PTPRD: variants seen among roughly 807,000 people sequenced by gnomAD.
PTPRD encodes the protein receptor-type tyrosine-protein phosphatase delta.
Under a neutral mutation model 214.5 loss-of-function variants are expected in PTPRD, and 34 were observed. The observed-to-expected ratio is 0.16, with a 90% CI of 0.12 to 0.21. The LOEUF is 0.21. Ranked by LOEUF, PTPRD falls within the 10% of genes least tolerant of loss-of-function variation. PTPRD has a pLI of 1.00. For missense variants in PTPRD, 2,545 were observed against 2,398.7 expected, an observed-to-expected ratio of 1.06 and a Z score of -1.27; for synonymous variants, 1,128 against 845.7, an observed-to-expected ratio of 1.33 and a Z score of -5.79.
At chr9:9,325,953 T>C (rs1289712415) in intron 9 of PTPRD, among the ~76,000 whole-genome samples, 1 of 152,184 alleles carries the variant, frequency 6.6e-6, no homozygotes, top group Non-Finnish European at 1.5e-5. Flanking sequence ...GAGATAATCA[T>C]GTGTTTTTTG....
chr9:9,604,965 T>TA (rs1435991312), intron 7 of PTPRD, among the ~76,000 whole-genome samples: 2 of 152,060 alleles, frequency 1.3e-5, no homozygotes, highest in Non-Finnish European at 2.9e-5. Flanking sequence ...ATTATTTGTG[T>TA]AAAATCTAAT....
At chr9:8,356,184 C>T (rs1279770319) in intron 39 of PTPRD, among the ~76,000 whole-genome samples, 1 of 152,114 alleles carries the variant, frequency 6.6e-6, no homozygotes, top group Non-Finnish European at 1.5e-5. Flanking sequence ...TAATAAAACT[C>T]AGATGCCCAA....
intron 10 of PTPRD, among the ~76,000 whole-genome samples, chr9:9,088,424 A>G (rs911521471): frequency 6.6e-6 from 1 of 151,158 alleles, no homozygotes; most frequent in African/African-American, 2.4e-5. Flanking sequence ...TACAAAAAAT[A>G]TAAAAATTAG....
chr9:10,561,890 C>G (rs114054290), intron 2 of PTPRD, among the ~76,000 whole-genome samples: 1 of 152,080 alleles, frequency 6.6e-6, no homozygotes, highest in Admixed American at 6.6e-5. Context: ...ATAAAATCCT[C>G]TGGCTTATAA....
intron 7 of PTPRD, among the ~76,000 whole-genome samples, chr9:9,612,234 T>C (rs2094551231): frequency 6.6e-6 from 1 of 152,106 alleles, no homozygotes; most frequent in South Asian, 2.1e-4. Flanking sequence ...AAAACAGTAC[T>C]GAAGCTTCTG....
chr9:8,756,759 A>G (rs2094016749), intron 11 of PTPRD, among the ~76,000 whole-genome samples: 2 of 152,152 alleles, frequency 1.3e-5, no homozygotes, highest in South Asian at 4.1e-4. Flanking sequence ...AAATATTAAT[A>G]GGGAAAAAAT....
intron 10 of PTPRD, among the ~76,000 whole-genome samples, chr9:9,065,212 G>A (rs1240428269): frequency 6.6e-6 from 1 of 152,140 alleles, no homozygotes; most frequent in Non-Finnish European, 1.5e-5. Flanking sequence ...TAGTGCTATG[G>A]AAACAAATAA....
At chr9:8,490,602 C>T (rs1398213937) in intron 27 of PTPRD, among the ~76,000 whole-genome samples, 2 of 152,060 alleles carry the variant, frequency 1.3e-5, no homozygotes, top group Admixed American at 6.6e-5. Flanking sequence ...TGCCTTTAAC[C>T]TCAAGAACTC....
chr9:8,397,782 C>G (rs971891837), intron 36 of PTPRD, among the ~76,000 whole-genome samples: 1 of 152,084 alleles, frequency 6.6e-6, no homozygotes, highest in African/African-American at 2.4e-5. Context: ...GGTGGTGATT[C>G]CATGTGAGCA....
chr9:10,607,995 T>C (rs550462312), intron 2 of PTPRD, among the ~76,000 whole-genome samples: 136 of 152,166 alleles, frequency 8.9e-4, no homozygotes, highest in African/African-American at 3.2e-3. Context: ...AACCTCTCTG[T>C]GAAACTGGGA....
chr9:9,996,300 G>C (rs773344490), intron 4 of PTPRD, among the ~76,000 whole-genome samples: 2 of 152,244 alleles, frequency 1.3e-5, no homozygotes, highest in Admixed American at 6.5e-5. Context: ...TGATTCAAAA[G>C]CCTCTCAGAA....
intron 2 of PTPRD, among the ~76,000 whole-genome samples, chr9:10,576,271 G>C (rs1042668104): frequency 1.3e-5 from 2 of 152,120 alleles, no homozygotes; most frequent in African/African-American, 4.8e-5. Flanking sequence ...TTGAGGAAAA[G>C]GATGCAAATG....
intron 2 of PTPRD, among the ~76,000 whole-genome samples, chr9:10,477,298 C>A (rs1287883797): frequency 1.3e-5 from 2 of 151,956 alleles, no homozygotes; most frequent in African/African-American, 4.8e-5. Flanking sequence ...AAAAAATAAA[C>A]AACCCCATCA....
chr9:8,929,780 G>GTATATGTGTGTATATATATGT (rs1272978143), intron 11 of PTPRD, among the ~76,000 whole-genome samples: 5 of 82,420 alleles, frequency 6.1e-5, no homozygotes, highest in Non-Finnish European at 8.8e-5. Context: ...TATATATATG[G>GTATATGTGTGTATATATATGT]GTGTGTATAT....
At chr9:9,011,873 G>A (rs2099513236) in intron 11 of PTPRD, among the ~76,000 whole-genome samples, 1 of 152,086 alleles carries the variant, frequency 6.6e-6, no homozygotes, top group Non-Finnish European at 1.5e-5. Context: ...TCTTTCTCCT[G>A]GTGTCCAGAT....
intron 3 of PTPRD, among the ~76,000 whole-genome samples, chr9:10,244,261 C>T (rs2091683193): frequency 1.3e-5 from 2 of 152,050 alleles, no homozygotes; most frequent in Non-Finnish European, 2.9e-5. Flanking sequence ...CTTCATTGTG[C>T]TCTAATATTT....
chr9:8,908,561 C>CA (rs1325689271), intron 11 of PTPRD, among the ~76,000 whole-genome samples: 23 of 151,958 alleles, frequency 1.5e-4, no homozygotes, highest in African/African-American at 4.8e-4. Context: ...AATAACAACA[C>CA]AACATACAAA....
chr9:8,556,591 C>T (rs2083846800), intron 14 of PTPRD, among the ~76,000 whole-genome samples: 1 of 145,690 alleles, frequency 6.9e-6, no homozygotes, highest in South Asian at 2.1e-4. Flanking sequence ...AATAAATATG[C>T]ATTTAATTAA....
intron 9 of PTPRD, among the ~76,000 whole-genome samples, chr9:9,224,081 T>C (rs76602464): frequency 0.043 from 6,576 of 152,036 alleles, 201 homozygotes; most frequent in Non-Finnish European, 0.067. Context: ...TAAAGACTAC[T>C]CAAAGATTAA....
Sources: allele counts gnomAD v4.1 joint callset (sites outside exome capture counted in the v4.1 genomes callset), GRCh38; gene constraint gnomAD v4.1.1; transcripts MANE v1.5; gene names NCBI Gene and HGNC (gene_info 2026-07-23, HGNC 2026-07-21).